Variants in VPS41 observed in about 807,000 individuals in gnomAD.
VPS41 encodes the protein VPS41 subunit of HOPS complex, also known as vacuolar protein sorting-associated protein 41 homolog.
VPS41 carries 85 observed loss-of-function variants against 130.9 expected under a neutral mutation model. That is an observed-to-expected ratio of 0.65 (90% confidence interval 0.55 to 0.78). VPS41 has a LOEUF of 0.78. VPS41 is among the 30% of genes least tolerant of loss of function. VPS41 has a pLI of 0.00. For missense variants in VPS41, 874 were observed against 1,018.7 expected (o/e 0.86, Z 1.93); for synonymous variants, 335 against 332.9 (o/e 1.01, Z -0.07).
intron 10 of VPS41, among the ~76,000 whole-genome samples, chr7:38,779,061 G>A (rs1019315460): frequency 1.3e-4 from 20 of 152,066 alleles, no homozygotes; most frequent in African/African-American, 4.6e-4. Context: ...ACAAAACAAA[G>A]AAAAATTGCA....
At chr7:38,832,319 C>CTTTTTTTTTTTTTT (rs543207806) in intron 4 of VPS41, among the ~76,000 whole-genome samples, 49 of 114,700 alleles carry the variant, frequency 4.3e-4, no homozygotes, top group East Asian at 7.0e-4. Flanking sequence ...TTCTTTCTTT[C>CTTTTTTTTTTTTTT]TTTTTTTTTT....
chr7:38,729,979 G>T (rs1483181680), intron 25 of VPS41, among the ~76,000 whole-genome samples: 6 of 152,044 alleles, frequency 3.9e-5, no homozygotes, highest in Non-Finnish European at 5.9e-5. Context: ...AGAAACTCAA[G>T]GCCTGAAGGA....
chr7:38,880,082 C>T (rs1786572472), intron 2 of VPS41, among the ~76,000 whole-genome samples: 1 of 152,154 alleles, frequency 6.6e-6, no homozygotes, highest in Non-Finnish European at 1.5e-5. Context: ...ACCTGCACCT[C>T]AGAGGACTTT....
chr7:38,888,450 G>A (rs1208511923), intron 2 of VPS41, among the ~76,000 whole-genome samples: 1 of 152,100 alleles, frequency 6.6e-6, no homozygotes, highest in African/African-American at 2.4e-5. Context: ...TAATGGTAAA[G>A]GTATCAATTC....
intron 22 of VPS41, among the ~76,000 whole-genome samples, chr7:38,746,667 G>A (rs919498175): frequency 6.6e-6 from 1 of 152,024 alleles, no homozygotes; most frequent in Non-Finnish European, 1.5e-5. Flanking sequence ...GTGCACCTGG[G>A]AAACCTTATC....
intron 4 of VPS41, among the ~76,000 whole-genome samples, chr7:38,850,976 A>C (rs571981186): frequency 6.6e-6 from 1 of 152,340 alleles, no homozygotes; most frequent in East Asian, 1.9e-4. Context: ...GAAATGTAGC[A>C]ATCTGCAATA....
chr7:38,830,606 G>A (rs190339728), intron 4 of VPS41, among the ~76,000 whole-genome samples: 1 of 152,268 alleles, frequency 6.6e-6, no homozygotes, highest in Admixed American at 6.5e-5. Context: ...GTTGAATGTG[G>A]GATCTTCAAC....
intron 17 of VPS41, among the ~76,000 whole-genome samples, chr7:38,761,980 T>C (rs552409340): frequency 1.3e-5 from 2 of 152,288 alleles, no homozygotes; most frequent in Non-Finnish European, 2.9e-5. Context: ...TTAATAATAA[T>C]GCTCAGGGAA....
chr7:38,752,157 C>T lies in VPS41; in HGVS notation c.1926+19G>A, dbSNP rs374515928. On this transcript the variant is annotated intron_variant, in intron 22 of 28. Coordinates refer to ENST00000310301, the MANE Select transcript of VPS41 (RefSeq NM_014396.4). ...ACCTCTTCATCCAAAGTGTACAAGT[C>T]GGGGAGTCTGTGCCTTACCTTTTCA... 7.4e-5 allele frequency: 119 copies of T among 1,613,086 alleles called. No individual in the cohort carries two copies. Among genetic ancestry groups the T allele is most frequent in the Non-Finnish European group, 9.5e-5 (112 of 1,179,550 alleles).
chr7:38,796,860 A>G lies in VPS41; in HGVS notation c.455T>C (p.Leu152Pro). The G allele has an allele frequency of 1.2e-6, 2 of 1,613,918 alleles. No individual in the cohort carries two copies. Among genetic ancestry groups the G allele is most frequent in the African/African-American group, 1.3e-5 (1 of 75,056 alleles). The change falls in exon 8 of 29, where the codon CTA becomes CCA. Residue 152 changes from leucine to proline, a missense_variant. Leu to Pro is a moderately conservative substitution (Grantham distance 98). Coordinates refer to ENST00000310301, the MANE Select transcript of VPS41 (RefSeq NM_014396.4). Reference protein sequence around the residue: ...KQFVTGGKKLLLFERSWMNRW... With the variant: ...KQFVTGGKKLPLFERSWMNRW... ...GTTCATCCAAGACCGTTCAAACAGT[A>G]GCAGCTAGGGACAAAAAGCATAAAC...
intron 17 of VPS41, among the ~76,000 whole-genome samples, chr7:38,763,070 A>G (rs1256156405): frequency 6.6e-6 from 1 of 152,206 alleles, no homozygotes; most frequent in Non-Finnish European, 1.5e-5. Context: ...ATTATAACAT[A>G]CTTCAGCATT....
At chr7:38,785,390 T>C (rs1220503474) in intron 10 of VPS41, among the ~76,000 whole-genome samples, 2 of 152,160 alleles carry the variant, frequency 1.3e-5, no homozygotes, top group African/African-American at 4.8e-5. Context: ...AACATTCAAA[T>C]CAGACAGGAG....
chr7:38,906,332 GT>G (rs35763199), intron 1 of VPS41, among the ~76,000 whole-genome samples: 2 of 150,776 alleles, frequency 1.3e-5, no homozygotes, highest in African/African-American at 4.9e-5. Flanking sequence ...AGACTGCTGG[GT>G]TTTTTTTTGT....
chr7:38,743,492 GTAATTCCTCCA>G lies in VPS41; in HGVS notation c.2021_2031del (p.Met674ThrfsTer2). On this transcript the variant is annotated frameshift_variant, in exon 24 of 29. Transcript: ENST00000310301. LOFTEE classifies it high-confidence loss of function. ...AATTCGATTGCTTTATCAACATCAT[GTAATTCCTCCA>G]TAATCATCTTCAGGGCACTTCGGCT... 2 of 1,613,954 alleles carry G rather than the reference GTAATTCCTCCA, an allele frequency of 1.2e-6. No homozygotes were observed. The highest frequency in any genetic ancestry group is 2.2e-5 in the South Asian group (2 of 91,060).
chr7:38,787,585 T>C (rs990077001), intron 10 of VPS41, among the ~76,000 whole-genome samples: 2 of 152,212 alleles, frequency 1.3e-5, no homozygotes, highest in Non-Finnish European at 1.5e-5. Context: ...GGAATAACTT[T>C]CGTGCTATTT....
At chr7:38,733,500 C>G (rs937131362) in intron 25 of VPS41, among the ~76,000 whole-genome samples, 1 of 152,118 alleles carries the variant, frequency 6.6e-6, no homozygotes, top group Non-Finnish European at 1.5e-5. Context: ...TATAAGCATG[C>G]AGTTTTGAAG....
chr7:38,868,892 C>T (rs541358337), intron 3 of VPS41, among the ~76,000 whole-genome samples: 2 of 152,310 alleles, frequency 1.3e-5, no homozygotes, highest in African/African-American at 4.8e-5. Flanking sequence ...AAACCCGTTT[C>T]ATATAAATCT....
chr7:38,857,720 T>C (rs1209796653), intron 4 of VPS41, among the ~76,000 whole-genome samples: 1 of 152,232 alleles, frequency 6.6e-6, no homozygotes, highest in African/African-American at 2.4e-5. Context: ...AGATTTATTC[T>C]GAGCCAAATG....
intron 4 of VPS41, among the ~76,000 whole-genome samples, chr7:38,857,110 G>A (rs1417103123): frequency 3.9e-5 from 6 of 152,130 alleles, no homozygotes; most frequent in Admixed American, 2.0e-4. Flanking sequence ...CAGCAACTAA[G>A]GAATACAGTC....
Sources: allele counts gnomAD v4.1 joint callset (sites outside exome capture counted in the v4.1 genomes callset), GRCh38; gene constraint gnomAD v4.1.1; transcripts MANE v1.5; gene names NCBI Gene and HGNC (gene_info 2026-07-23, HGNC 2026-07-21).